The following ACACA variants were observed in gnomAD, a reference collection of about 807,000 sequenced individuals.
The protein encoded by ACACA is acetyl-CoA carboxylase 1.
Under a neutral mutation model 296.1 loss-of-function variants are expected in ACACA, and 103 were observed. The ratio of observed to expected loss-of-function variants is 0.35; its 90% CI spans 0.30 to 0.41. The LOEUF (loss-of-function observed/expected upper bound fraction) is 0.41. Ranked by LOEUF, ACACA falls within the 10% of genes least tolerant of loss-of-function variation. ACACA has a pLI of 1.00. For synonymous variants in ACACA, 953 were observed against 1,038.6 expected (o/e 0.92, Z 1.58); for missense variants, 1,554 against 2,989.7 (o/e 0.52, Z 11.20).
Position 37,149,760 on chromosome 17 carries a change from G to C in ACACA, c.5679+104C>G, listed in dbSNP as rs761453817. On this transcript the variant is annotated intron_variant, in intron 45 of 55. Coordinates refer to ENST00000616317, the MANE Select transcript of ACACA (RefSeq NM_198834.3). Reference sequence around the variant, plus strand: ...AGAGGGGAAGAGATAGACTGAGGAAGGCACGGATTGAACTGCTTCCTTCCA... The same window carrying C: ...AGAGGGGAAGAGATAGACTGAGGAACGCACGGATTGAACTGCTTCCTTCCA... 1.1e-5 allele frequency: 11 copies of C among 983,420 alleles called. No individual in the cohort carries two copies. The South Asian group carries it at 1.4e-4, about 13-fold the overall frequency. 60.9% of individuals were successfully genotyped at this position (983,420 alleles called of 1,614,324 possible).
chr17:37,271,544 A>C (rs2082071734), intron 9 of ACACA, among the ~76,000 whole-genome samples: 1 of 152,152 alleles, frequency 6.6e-6, no homozygotes, highest in Non-Finnish European at 1.5e-5. Flanking sequence ...AAACAAAGAA[A>C]GATGCGTGGA....
intron 3 of ACACA, among the ~76,000 whole-genome samples, chr17:37,322,026 A>T (rs2047382587): frequency 6.6e-6 from 1 of 152,198 alleles, no homozygotes; most frequent in African/African-American, 2.4e-5. Context: ...CATGGGAGAA[A>T]CTTTACAAAT....
At chr17:37,330,981 T>C (rs1469356810) in intron 2 of ACACA, among the ~76,000 whole-genome samples, 1 of 152,142 alleles carries the variant, frequency 6.6e-6, no homozygotes, top group African/African-American at 2.4e-5. Context: ...ACAATCATGG[T>C]TCACTGCAGC....
At chr17:37,186,402 G>A (rs535237581) in intron 39 of ACACA, among the ~76,000 whole-genome samples, 5 of 152,102 alleles carry the variant, frequency 3.3e-5, no homozygotes, top group East Asian at 3.9e-4. Context: ...CTCTTTATAC[G>A]CATAGTGCCT....
chr17:37,262,704 C>G (rs1411417857), intron 11 of ACACA, among the ~76,000 whole-genome samples: 1 of 151,996 alleles, frequency 6.6e-6, no homozygotes, highest in East Asian at 1.9e-4. Context: ...GAAACTTACA[C>G]CTTGTTTAAG....
intron 1 of ACACA, among the ~76,000 whole-genome samples, chr17:37,358,654 C>T (rs951270503): frequency 6.6e-6 from 1 of 152,226 alleles, no homozygotes; most frequent in Non-Finnish European, 1.5e-5. Context: ...TGGAAGGAAT[C>T]AGACCACGCT....
intron 43 of ACACA, among the ~76,000 whole-genome samples, chr17:37,154,065 C>T (rs1469788990): frequency 6.6e-6 from 1 of 152,078 alleles, no homozygotes; most frequent in African/African-American, 2.4e-5. Flanking sequence ...GCAGCTACTT[C>T]AGAGGTTGAG....
rs566372869 is a variant in ACACA, at chr17:37,270,194, G to A, written c.1119+557C>T. On this transcript the variant is annotated intron_variant, in intron 10 of 55. Transcript: ENST00000616317. Reference sequence around the variant, plus strand: ...CCTGCCATAGGGTTCCTGTGCCAGGGTGTGGTGGCCATGCAACACGGGCTA... The same window carrying A: ...CCTGCCATAGGGTTCCTGTGCCAGGATGTGGTGGCCATGCAACACGGGCTA... Among the ~76,000 whole-genome samples the A allele has an allele frequency of 3.9e-5, 6 of 152,284 alleles. No homozygotes were observed. The South Asian group carries it at 1.0e-3, about 26-fold the overall frequency.
Position 37,097,124 on chromosome 17 carries a change from G to A in ACACA, c.6763C>T (p.Arg2255Trp), listed in dbSNP as rs1235894936. 1.9e-6 allele frequency: 3 copies of A among 1,613,936 alleles called. No individual in the cohort carries two copies. The highest frequency in any genetic ancestry group is 1.3e-5 in the African/African-American group (1 of 75,002). The change falls in exon 54 of 56, where the codon CGG becomes TGG. Residue 2255 changes from arginine (R) to tryptophan (W), a missense_variant. Arg to Trp is a moderately radical substitution (Grantham distance 101, BLOSUM62 -3). This residue lies in a region of ACACA where 553 missense variants were observed against 1,043.6 expected (regional missense o/e 0.53). Coordinates refer to ENST00000616317, the MANE Select transcript of ACACA (RefSeq NM_198834.3). This position sits in a 1 kb window ranked among gnomAD's most constrained non-coding sequence, Gnocchi z 4.8. The stretch of plus-strand genomic sequence containing the variant: ...TCCTCCAGCAGAAGACGCCTCAGCC[G>A]CCAGTAGAAGAAGGTACGGGATGTT... ...WKTSRTFFYW[R>W]LRRLLLEDLV...
intron 1 of ACACA, among the ~76,000 whole-genome samples, chr17:37,383,007 A>G (rs1209906048): frequency 6.6e-6 from 1 of 152,246 alleles, no homozygotes; most frequent in African/African-American, 2.4e-5. Flanking sequence ...ACTGCATTCC[A>G]GTCTGGGCAA....
chr17:37,180,564 C>A (rs2077280323), intron 40 of ACACA, among the ~76,000 whole-genome samples: 3 of 152,128 alleles, frequency 2.0e-5, no homozygotes, highest in Non-Finnish European at 4.4e-5. Context: ...ATACACTTTT[C>A]TTGCCTTCTA....
In ACACA at chr17:37,245,060, C is replaced by T. The variant is rs752110406; in HGVS notation, c.2595+20G>A. ...TCTTTAGCTCTTAGAGAGCAATATT[C>T]GGAGCACCTTCCTACTCACCTGCTG... On this transcript the variant is annotated intron_variant, in intron 20 of 55. Transcript: ENST00000616317. The T allele has an allele frequency of 4.3e-5, 70 of 1,614,038 alleles. No homozygotes were observed. The South Asian group carries it at 5.1e-4, about 12-fold the overall frequency.
At chr17:37,180,877 A>C (rs1335185797) in intron 40 of ACACA, among the ~76,000 whole-genome samples, 1 of 152,192 alleles carries the variant, frequency 6.6e-6, no homozygotes, top group Non-Finnish European at 1.5e-5. Flanking sequence ...CCATAATTTG[A>C]ATATAGACTT....
intron 1 of ACACA, chr17:37,358,877 A>C: frequency 2.2e-6 from 2 of 908,586 alleles, no homozygotes; most frequent in Non-Finnish European, 2.6e-6. Flanking sequence ...GATAGTGTGG[A>C]GCCCAGGCCG....
chr17:37,166,216 C>T (rs973727017), intron 41 of ACACA, among the ~76,000 whole-genome samples: 1 of 152,088 alleles, frequency 6.6e-6, no homozygotes, highest in Non-Finnish European at 1.5e-5. Context: ...TCACTGAAGC[C>T]TTGGCCTCCT....
intron 3 of ACACA, among the ~76,000 whole-genome samples, chr17:37,286,489 C>T (rs985834574): frequency 6.6e-6 from 1 of 152,176 alleles, no homozygotes; most frequent in Non-Finnish European, 1.5e-5. Flanking sequence ...AACTTCATTT[C>T]CAAGACTCCT....
intron 29 of ACACA, among the ~76,000 whole-genome samples, chr17:37,219,370 C>G (rs1042346257): frequency 1.3e-5 from 2 of 152,108 alleles, no homozygotes; most frequent in African/African-American, 4.8e-5. Context: ...GACAATAAAA[C>G]TGTAGTGCTT....
intron 45 of ACACA, among the ~76,000 whole-genome samples, chr17:37,148,191 T>A (rs1212865542): frequency 2.0e-5 from 3 of 150,736 alleles, no homozygotes; most frequent in Non-Finnish European, 4.4e-5. Context: ...TTGGCATTCA[T>A]CAATATCTCA....
At chr17:37,228,570 A>G (rs2079666408) in intron 25 of ACACA, among the ~76,000 whole-genome samples, 1 of 152,236 alleles carries the variant, frequency 6.6e-6, no homozygotes, top group East Asian at 1.9e-4. Flanking sequence ...AGGAATATGT[A>G]AAACTACCAG....
Sources: gnomAD v4.1 joint callset for allele counts (sites outside exome capture counted in the v4.1 genomes callset) on GRCh38, gnomAD v4.1.1 for gene constraint, gnomAD v4.1.1 regional missense constraint, Gnocchi (gnomAD v3.1) non-coding constraint, MANE v1.5 for transcripts, NCBI Gene and HGNC (gene_info 2026-07-23, HGNC 2026-07-21) for gene names.